Variants in SDK1 observed in about 807,000 individuals in gnomAD.
The protein encoded by SDK1 is protein sidekick-1.
Under a neutral mutation model 245.5 loss-of-function variants are expected in SDK1, and 157 were observed. The ratio of observed to expected loss-of-function variants is 0.64; its 90% CI spans 0.56 to 0.73. The LOEUF (loss-of-function observed/expected upper bound fraction) is 0.73. SDK1 is among the 30% of genes least tolerant of loss of function. The pLI is 0.00. For missense variants in SDK1, 3,583 were observed against 3,002.3 expected (o/e 1.19, Z -4.52); for synonymous variants, 1,647 against 1,278.5 (o/e 1.29, Z -6.15).
At chr7:3,895,019 T>C (rs1320518592) in intron 5 of SDK1, among the ~76,000 whole-genome samples, 1 of 152,192 alleles carries the variant, frequency 6.6e-6, no homozygotes, top group Non-Finnish European at 1.5e-5. Flanking sequence ...CCAGCGTGTC[T>C]CTAATGTACA....
chr7:3,496,762 G>A (rs975103669), intron 1 of SDK1, among the ~76,000 whole-genome samples: 6 of 152,090 alleles, frequency 3.9e-5, no homozygotes, highest in Non-Finnish European at 7.4e-5. Context: ...AGCATAAAAC[G>A]TGCCATTGGT....
intron 41 of SDK1, among the ~76,000 whole-genome samples, chr7:4,234,208 G>A (rs549367080): frequency 2.8e-4 from 42 of 152,316 alleles, no homozygotes; most frequent in African/African-American, 9.1e-4. Flanking sequence ...CCGTCCCTGA[G>A]GATGGCGTGC....
In SDK1 at chr7:4,150,431, C is replaced by T. The variant is rs538876397; in HGVS notation, c.4625+968C>T. ...CCAAGACGGTTGTCTCCAGGCTGGC[C>T]GAGCTTCCTCTGTCTCTCAGATGGT... is the stretch of plus-strand genomic sequence containing the variant. On this transcript the variant is annotated intron_variant, in intron 30 of 44. Transcript: ENST00000404826. Among the ~76,000 whole-genome samples, 87 of 152,326 alleles carry T rather than the reference C, an allele frequency of 5.7e-4. No individual in the cohort carries two copies. The Middle Eastern group carries it at 0.014, about 24-fold the overall frequency.
rs564133818 is a variant in SDK1 at position 3,938,244 on chromosome 7, C to T, written c.848-12679C>T. Among the ~76,000 whole-genome samples the T allele has an allele frequency of 2.6e-5, 4 of 152,308 alleles. No individual in the cohort carries two copies. The South Asian group carries it at 8.3e-4, about 32-fold the overall frequency. ...AGTGGACCTAATCTTGAGACAAATA[C>T]CCTCTTACCCCTTGGTCCACTGAAA... On this transcript the variant is annotated intron_variant, in intron 5 of 44. Transcript: ENST00000404826.
At chr7:3,497,166 T>C (rs920879342) in intron 1 of SDK1, among the ~76,000 whole-genome samples, 1 of 152,210 alleles carries the variant, frequency 6.6e-6, no homozygotes, top group Admixed American at 6.5e-5. Flanking sequence ...GAAACTCTTT[T>C]TAGTTAGAAG....
At chr7:3,819,985 A>G (rs1779601592) in intron 4 of SDK1, among the ~76,000 whole-genome samples, 1 of 152,176 alleles carries the variant, frequency 6.6e-6, no homozygotes, top group South Asian at 2.1e-4. Context: ...TATTCCCTAT[A>G]GAGTACCACA....
chr7:3,873,590 T>A (rs1781007857), intron 5 of SDK1, among the ~76,000 whole-genome samples: 1 of 152,202 alleles, frequency 6.6e-6, no homozygotes, highest in South Asian at 2.1e-4. Flanking sequence ...TATGTTAGGC[T>A]GTTTGATATT....
intron 1 of SDK1, among the ~76,000 whole-genome samples, chr7:3,576,258 C>G (rs1229927441): frequency 6.6e-6 from 1 of 152,128 alleles, no homozygotes; most frequent in East Asian, 1.9e-4. Context: ...CAAATAGGCT[C>G]CTTGGCGTCA....
At chr7:3,853,475 T>C (rs1780467852) in intron 5 of SDK1, among the ~76,000 whole-genome samples, 1 of 152,210 alleles carries the variant, frequency 6.6e-6, no homozygotes, top group East Asian at 1.9e-4. Flanking sequence ...AATTTTATAA[T>C]TAAATTTTAT....
At chr7:3,980,739 C>T (rs1783336212) in intron 13 of SDK1, among the ~76,000 whole-genome samples, 2 of 152,168 alleles carry the variant, frequency 1.3e-5, no homozygotes, top group Non-Finnish European at 2.9e-5. Flanking sequence ...GTCAAGATTT[C>T]AAGACCAGCC....
intron 2 of SDK1, among the ~76,000 whole-genome samples, chr7:3,634,286 G>A (rs1204577397): frequency 6.6e-6 from 1 of 152,138 alleles, no homozygotes; most frequent in African/African-American, 2.4e-5. Context: ...GTTGTTCCTG[G>A]GCTGAGATGG....
chr7:3,926,017 G>A (rs1779754264), intron 5 of SDK1, among the ~76,000 whole-genome samples: 1 of 152,238 alleles, frequency 6.6e-6, no homozygotes, highest in Non-Finnish European at 1.5e-5. Flanking sequence ...CAGCACGTGA[G>A]AGTGTGGCCT....
At chr7:3,446,324 C>G (rs1200547541) in intron 1 of SDK1, among the ~76,000 whole-genome samples, 3 of 152,100 alleles carry the variant, frequency 2.0e-5, no homozygotes, top group African/African-American at 7.2e-5. Context: ...TAAGGTCACA[C>G]AATTTAGAAA....
intron 1 of SDK1, among the ~76,000 whole-genome samples, chr7:3,316,372 A>G: frequency 6.6e-6 from 1 of 152,146 alleles, no homozygotes; most frequent in Non-Finnish European, 1.5e-5. Context: ...ACAGGTTTGT[A>G]GCCTGGGAGC....
intron 4 of SDK1, among the ~76,000 whole-genome samples, chr7:3,787,999 C>T (rs1003622399): frequency 3.3e-5 from 5 of 152,146 alleles, no homozygotes; most frequent in Admixed American, 1.3e-4. Flanking sequence ...GTGGGAGGAC[C>T]GGAGGGCAGG....
At chr7:3,423,203 A>G (rs2128581504) in intron 1 of SDK1, among the ~76,000 whole-genome samples, 1 of 152,364 alleles carries the variant, frequency 6.6e-6, no homozygotes, top group Middle Eastern at 3.4e-3. Flanking sequence ...ACAAATGATT[A>G]CAACAATTTA....
chr7:4,108,094 C>T (rs1298437735), intron 22 of SDK1, among the ~76,000 whole-genome samples: 2 of 152,190 alleles, frequency 1.3e-5, no homozygotes, highest in Non-Finnish European at 2.9e-5. Context: ...GAGTGAGCTC[C>T]TCTGAGATCC....
chr7:4,032,067 C>T (rs1479293207), intron 17 of SDK1, among the ~76,000 whole-genome samples: 1 of 150,928 alleles, frequency 6.6e-6, no homozygotes, highest in South Asian at 2.1e-4. Context: ...ATAGATCGAT[C>T]GATCGATCAT....
intron 1 of SDK1, among the ~76,000 whole-genome samples, chr7:3,596,122 C>T (rs990523371): frequency 1.5e-4 from 23 of 148,518 alleles, no homozygotes; most frequent in Non-Finnish European, 7.4e-5. Context: ...CTGAAATGCT[C>T]CAGTGAGCAT....
Sources: allele counts gnomAD v4.1 joint callset (sites outside exome capture counted in the v4.1 genomes callset), GRCh38; gene constraint gnomAD v4.1.1; transcripts MANE v1.5; gene names NCBI Gene and HGNC (gene_info 2026-07-23, HGNC 2026-07-21).